Variants in GNAO1 observed in about 807,000 individuals in gnomAD.
GNAO1 encodes G protein subunit alpha o1, also known as guanine nucleotide-binding protein G(o) subunit alpha.
For synonymous variants in GNAO1, 164 were observed against 180.7 expected (o/e 0.91, Z 0.74); for missense variants, 166 against 478.7 (o/e 0.35, Z 6.10).
At chr16:56,332,155 T>C (rs1347573199) in intron 4 of GNAO1, among the ~76,000 whole-genome samples, 1 of 152,058 alleles carries the variant, frequency 6.6e-6, no homozygotes, top group African/African-American at 2.4e-5. Context: ...AACAGGGCCG[T>C]TGTCAACATG....
At chr16:56,301,242 AC>A (rs1439046116) in intron 3 of GNAO1, 2 of 152,172 alleles carry the variant, frequency 1.3e-5, no homozygotes, top group African/African-American at 4.8e-5. Flanking sequence ...GGTGGGTTTG[AC>A]CTTTTTTTGT....
intron 4 of GNAO1, among the ~76,000 whole-genome samples, chr16:56,333,502 A>T (rs1171438667): frequency 6.6e-6 from 1 of 152,042 alleles, no homozygotes; most frequent in East Asian, 1.9e-4. Context: ...GAGCCACCGC[A>T]CCCGGCTGCC....
chr16:56,254,500 TG>T (rs1260430798), intron 2 of GNAO1, among the ~76,000 whole-genome samples: 2 of 152,188 alleles, frequency 1.3e-5, no homozygotes, highest in African/African-American at 4.8e-5. Context: ...TCCCTCCTTT[TG>T]TTTGCACTTG....
intron 2 of GNAO1, among the ~76,000 whole-genome samples, chr16:56,253,069 A>G (rs1283436578): frequency 6.6e-6 from 1 of 152,184 alleles, no homozygotes; most frequent in African/African-American, 2.4e-5. Flanking sequence ...ACTAGATAGC[A>G]GCAGCGGCAG....
chr16:56,347,244 C>G, intron 6 of GNAO1: 3 of 985,502 alleles, frequency 3.0e-6, no homozygotes, highest in Non-Finnish European at 3.6e-6. Context: ...TCAGGCAAAA[C>G]CTGGCAGTTC....
intron 6 of GNAO1, chr16:56,348,208 G>GTGA: frequency 1.0e-6 from 1 of 984,594 alleles, no homozygotes; most frequent in Non-Finnish European, 1.2e-6. Flanking sequence ...TAGCGTGAGT[G>GTGA]TGATGTGTTG....
intron 3 of GNAO1, among the ~76,000 whole-genome samples, chr16:56,277,843 GGT>G (rs2037077904): frequency 8.6e-6 from 1 of 116,280 alleles, no homozygotes; most frequent in Non-Finnish European, 1.8e-5. Context: ...ACACACACAC[GGT>G]GTGTGAGATC....
intron 3 of GNAO1, chr16:56,302,425 C>A (rs1427252038): frequency 6.6e-6 from 1 of 152,354 alleles, no homozygotes; most frequent in African/African-American, 2.4e-5. Context: ...GTTCTATGGG[C>A]CCCTCCAGCT....
intron 2 of GNAO1, among the ~76,000 whole-genome samples, chr16:56,273,475 C>A (rs1224280329): frequency 1.3e-5 from 2 of 152,032 alleles, no homozygotes; most frequent in Admixed American, 1.3e-4. Flanking sequence ...TTATTAATTC[C>A]ATGATCTCTG....
At chr16:56,252,047 G>A (rs781386559) in intron 2 of GNAO1, among the ~76,000 whole-genome samples, 13 of 152,188 alleles carry the variant, frequency 8.5e-5, no homozygotes, top group Non-Finnish European at 1.5e-4. Context: ...GAAATTATAG[G>A]AAGTATAATA....
intron 2 of GNAO1, among the ~76,000 whole-genome samples, chr16:56,252,515 G>C (rs1425684722): frequency 6.6e-6 from 1 of 152,206 alleles, no homozygotes; most frequent in Non-Finnish European, 1.5e-5. Context: ...GAGTGACCTT[G>C]AGCAAGCGAG....
At position 56,215,216 on chromosome 16, in the gene GNAO1, C is replaced by G. The variant is rs187549808; in HGVS notation, c.161+22600C>G. Among the ~76,000 whole-genome samples, 3 of 152,330 alleles carry G rather than the reference C, an allele frequency of 2.0e-5. No individual in the cohort carries two copies. The East Asian group carries it at 5.8e-4, about 29-fold the overall frequency. ...GGAAGCTGAACCACACTGGTCTCTC[C>G]AGTTCTGTAATTCTTTTACACAGGA... On this transcript the variant is annotated intron_variant, in intron 2 of 8. Transcript: ENST00000262493.
At chr16:56,297,862 C>A (rs1383513764) in intron 3 of GNAO1, among the ~76,000 whole-genome samples, 1 of 152,010 alleles carries the variant, frequency 6.6e-6, no homozygotes, top group Non-Finnish European at 1.5e-5. Flanking sequence ...TTATGTAGAA[C>A]TAGACGATTA....
chr16:56,261,057 C>T (rs1056202134), intron 2 of GNAO1, among the ~76,000 whole-genome samples: 6 of 152,296 alleles, frequency 3.9e-5, no homozygotes, highest in Non-Finnish European at 7.3e-5. Flanking sequence ...CAGACATAGC[C>T]ATCTTTGTCC....
chr16:56,320,268 A>G (rs115213040), intron 3 of GNAO1, among the ~76,000 whole-genome samples: 2,094 of 152,122 alleles, frequency 0.014, 47 homozygotes, highest in African/African-American at 0.048. Flanking sequence ...TCTTATCTCT[A>G]TGTGGCAGCC....
intron 2 of GNAO1, among the ~76,000 whole-genome samples, chr16:56,216,544 C>T (rs555825979): frequency 6.6e-6 from 1 of 152,202 alleles, no homozygotes; most frequent in East Asian, 1.9e-4. Flanking sequence ...ACCTGCCTGC[C>T]ATTGTGAATC....
At chr16:56,234,168 C>T (rs1231182667) in intron 2 of GNAO1, among the ~76,000 whole-genome samples, 1 of 152,254 alleles carries the variant, frequency 6.6e-6, no homozygotes, top group Non-Finnish European at 1.5e-5. Flanking sequence ...GCCCTAGGTG[C>T]CCAACCCTCC....
intron 2 of GNAO1, among the ~76,000 whole-genome samples, chr16:56,260,373 T>A (rs1317798586): frequency 6.6e-6 from 1 of 152,188 alleles, no homozygotes; most frequent in Admixed American, 6.5e-5. Flanking sequence ...CTTAGCCTGC[T>A]TGTCTTCAAC....
At chr16:56,270,369 T>A (rs2037004663) in intron 2 of GNAO1, 1 of 152,234 alleles carries the variant, frequency 6.6e-6, no homozygotes, top group African/African-American at 2.4e-5. Context: ...TTGATCTCCC[T>A]TTGATACCCT....
Sources: allele counts gnomAD v4.1 joint callset (sites outside exome capture counted in the v4.1 genomes callset), GRCh38; gene constraint gnomAD v4.1.1; transcripts MANE v1.5; gene names NCBI Gene and HGNC (gene_info 2026-07-23, HGNC 2026-07-21).